ZNF138: variants seen among roughly 807,000 people sequenced by gnomAD.
The protein encoded by ZNF138 is zinc finger protein 138.
Under a neutral mutation model 33.0 loss-of-function variants are expected in ZNF138, and 33 were observed. The observed-to-expected ratio is 1.00, with a 90% CI of 0.76 to 1.34. The LOEUF is 1.34. Ranked by LOEUF, ZNF138 falls within the 40% of genes most tolerant of loss-of-function variation. The pLI is 0.00. For missense variants in ZNF138, 360 were observed against 370.8 expected (o/e 0.97, Z 0.24); for synonymous variants, 139 against 120.4 (o/e 1.15, Z -1.01).
the ZNF138 span, among the ~76,000 whole-genome samples, chr7:64,854,750 A>G: frequency 6.6e-6 from 1 of 152,206 alleles, no homozygotes; most frequent in South Asian, 2.1e-4. Flanking sequence ...ACTTCGGTCT[A>G]TCGTTAAGGT....
At chr7:64,810,434 G>T (rs1273850785) in intron 1 of ZNF138, among the ~76,000 whole-genome samples, 2 of 21,780 alleles carry the variant, frequency 9.2e-5, no homozygotes, top group Non-Finnish European at 2.1e-4. Flanking sequence ...GAGGGAGACC[G>T]TGGGGAGAGG....
the ZNF138 span, among the ~76,000 whole-genome samples, chr7:64,849,090 G>C: frequency 0.034 from 5,139 of 152,252 alleles, 285 homozygotes; most frequent in African/African-American, 0.12. Flanking sequence ...ATGTCCGAGG[G>C]AGTGTCTAAG....
At chr7:64,796,278 CGTCTTCAGAGAGGGTG>C (rs549047548) in intron 1 of ZNF138, among the ~76,000 whole-genome samples, 7 of 152,146 alleles carry the variant, frequency 4.6e-5, no homozygotes, top group South Asian at 4.1e-4. Flanking sequence ...CATAGTGCAG[CGTCTTCAGAGAGGGTG>C]GTCTTCAGAG....
downstream of ZNF138, among the ~76,000 whole-genome samples, chr7:64,834,867 CT>C (rs1386309845): frequency 6.6e-6 from 1 of 152,102 alleles, no homozygotes; most frequent in Non-Finnish European, 1.5e-5. Flanking sequence ...ACTAATTGTA[CT>C]TTTATGTAAT....
intron 1 of ZNF138, among the ~76,000 whole-genome samples, chr7:64,814,594 G>A (rs191513448): frequency 1.8e-3 from 271 of 152,134 alleles, no homozygotes; most frequent in Non-Finnish European, 3.0e-3. Context: ...GTGAAGCCCC[G>A]TTTCTACTAC....
At chr7:64,844,969 G>A in the ZNF138 span, among the ~76,000 whole-genome samples, 1 of 152,218 alleles carries the variant, frequency 6.6e-6, no homozygotes, top group Non-Finnish European at 1.5e-5. Context: ...ACAGGCGTGA[G>A]CCACCGTGCC....
At chr7:64,798,100 C>T (rs551156241) in intron 1 of ZNF138, among the ~76,000 whole-genome samples, 16 of 152,168 alleles carry the variant, frequency 1.1e-4, no homozygotes, top group Admixed American at 6.5e-4. Context: ...ACCACCATGC[C>T]GGGCTAATTT....
At chr7:64,843,511 T>C in the ZNF138 span, among the ~76,000 whole-genome samples, 1 of 152,222 alleles carries the variant, frequency 6.6e-6, no homozygotes, top group South Asian at 2.1e-4. Context: ...TGATATAGTT[T>C]TTTTTGCTTT....
chr7:64,846,170 T>C, the ZNF138 span, among the ~76,000 whole-genome samples: 2 of 152,196 alleles, frequency 1.3e-5, no homozygotes, highest in African/African-American at 4.8e-5. Flanking sequence ...TGTGGCCTTA[T>C]AGTACAGTTT....
the ZNF138 span, among the ~76,000 whole-genome samples, chr7:64,849,181 G>A: frequency 2.6e-5 from 4 of 152,088 alleles, no homozygotes; most frequent in Non-Finnish European, 4.4e-5. Flanking sequence ...CTATCAATGT[G>A]GCTTCTTGAG....
intron 3 of ZNF138, among the ~76,000 whole-genome samples, chr7:64,828,632 T>C (rs1182128392): frequency 6.6e-6 from 1 of 152,196 alleles, no homozygotes; most frequent in African/African-American, 2.4e-5. Flanking sequence ...AAAATGACTC[T>C]TCATATGACT....
intron 1 of ZNF138, among the ~76,000 whole-genome samples, chr7:64,800,773 T>TA (rs1787079781): frequency 1.3e-5 from 2 of 152,212 alleles, no homozygotes; most frequent in African/African-American, 4.8e-5. Flanking sequence ...CTCTTTTTTT[T>TA]ATACATCTTG....
the ZNF138 span, among the ~76,000 whole-genome samples, chr7:64,850,115 C>T: frequency 2.0e-5 from 3 of 152,222 alleles, no homozygotes; most frequent in East Asian, 1.9e-4. Context: ...CAGAGCCCAC[C>T]GGGCTTTTCC....
chr7:64,834,890 C>G (rs191158168), downstream of ZNF138, among the ~76,000 whole-genome samples: 11 of 150,188 alleles, frequency 7.3e-5, no homozygotes, highest in Non-Finnish European at 1.3e-4. Flanking sequence ...AAATGCAGTA[C>G]AGTTTGAAAG....
intron 3 of ZNF138, among the ~76,000 whole-genome samples, chr7:64,818,786 T>G (rs771928695): frequency 6.6e-6 from 1 of 152,018 alleles, no homozygotes; most frequent in African/African-American, 2.4e-5. Flanking sequence ...AAATTTCTCA[T>G]TACAATCTTC....
At chr7:64,810,318 G>A (rs1332333642) in intron 1 of ZNF138, among the ~76,000 whole-genome samples, 5 of 146,438 alleles carry the variant, frequency 3.4e-5, no homozygotes, top group South Asian at 2.3e-4. Flanking sequence ...GTGGTGGCGC[G>A]AGCCTGCAAT....
At chr7:64,854,454 T>TA in the ZNF138 span, among the ~76,000 whole-genome samples, 3 of 152,338 alleles carry the variant, frequency 2.0e-5, no homozygotes, top group South Asian at 6.2e-4. Context: ...TTTGCCAGGC[T>TA]AGTCTTGAAC....
intron 3 of ZNF138, among the ~76,000 whole-genome samples, chr7:64,824,639 G>A (rs889197349): frequency 6.6e-6 from 1 of 152,010 alleles, no homozygotes; most frequent in African/African-American, 2.4e-5. Context: ...CCCTGATGTT[G>A]TACATGCACA....
the ZNF138 span, among the ~76,000 whole-genome samples, chr7:64,850,273 C>T: frequency 6.6e-6 from 1 of 152,368 alleles, no homozygotes; most frequent in Admixed American, 6.5e-5. Flanking sequence ...CCCACTTTCA[C>T]ATCTTGAACA....
Sources: allele counts gnomAD v4.1 joint callset (sites outside exome capture counted in the v4.1 genomes callset), GRCh38; gene constraint gnomAD v4.1.1; transcripts MANE v1.5; gene names NCBI Gene and HGNC (gene_info 2026-07-23, HGNC 2026-07-21).